Variants in IRX6 observed in about 807,000 individuals in gnomAD.
The protein encoded by IRX6 is iroquois homeobox 6, also known as iroquois-class homeodomain protein IRX-6.
In IRX6, 46 loss-of-function variants were observed where a neutral mutation model predicts 47.7. The ratio of observed to expected loss-of-function variants is 0.96; its 90% CI spans 0.76 to 1.23. The LOEUF (loss-of-function observed/expected upper bound fraction) is 1.23. Among genes scored for constraint, IRX6 ranks in the 50% most tolerant of loss-of-function variants. IRX6 has a pLI of 0.00. For synonymous variants in IRX6, 265 were observed against 246.2 expected (o/e 1.08, Z -0.72); for missense variants, 722 against 588.0 (o/e 1.23, Z -2.36).
chr16:55,329,337 A>G (rs1451855623), intron 5 of IRX6, 26 bp downstream of exon 5: 2 of 1,574,948 alleles, frequency 1.3e-6, no homozygotes, highest in South Asian at 1.1e-5. Context: ...CGGCGCTGGG[A>G]GTATCTATGC....
Position 55,327,698 on chromosome 16 carries a change from A to G in IRX6, c.526A>G (p.Lys176Glu). ...NEHRKNPYPT[K>E]GEKIMLAIIT... ...GCACCGCAAAAACCCCTACCCCACT[A>G]AGGGTGAGAAGATCATGCTGGCCAT... Residue 176 changes from lysine to glutamate, a missense_variant, in exon 4 of 6, where the codon AAG becomes GAG. Transcript: ENST00000290552. 3 of 1,612,386 alleles carry G rather than the reference A, an allele frequency of 1.9e-6. No individual in the cohort carries two copies. Among genetic ancestry groups the G allele is most frequent in the Non-Finnish European group, 2.5e-6 (3 of 1,180,016 alleles).
At chr16:55,329,518 C>T (rs527866723) in intron 5 of IRX6, among the ~76,000 whole-genome samples, 1 of 152,322 alleles carries the variant, frequency 6.6e-6, no homozygotes, top group East Asian at 1.9e-4. Flanking sequence ...ATAATAAACT[C>T]ACAGGCAGAC....
chr16:55,324,539 G>A lies in IRX6; in HGVS notation c.-553G>A, dbSNP rs75659475. The A allele has an allele frequency of 1.3e-5, 2 of 153,084 alleles. No homozygotes were observed. The highest frequency in any genetic ancestry group is 2.9e-5 in the Non-Finnish European group (2 of 69,152). 9.5% of individuals were successfully genotyped at this position (153,084 alleles called of 1,614,324 possible). On this transcript the variant is annotated 5_prime_UTR_variant, in exon 1 of 6. Transcript: ENST00000290552. The surrounding 1 kb of genome is among the most constrained non-coding windows in gnomAD (Gnocchi z 4.4). ...GTGAGCTCCAGGCGAAAAGGGGTAG[G>A]ATTCAGCGCCGAGCAGAGAGGGTCA...
In IRX6 at chr16:55,326,289, G is replaced by C. The variant is rs766252848; in HGVS notation, c.46-47G>C. ...CTTCAGCGGGAGCGGGGGCGGGGGT[G>C]GGGGGGGGGTCTCTGACCTCCAGTG... On this transcript the variant is annotated intron_variant, in intron 1 of 5. Coordinates refer to ENST00000290552, the MANE Select transcript of IRX6 (RefSeq NM_024335.3). 37 of 1,182,108 alleles carry C rather than the reference G, an allele frequency of 3.1e-5. No homozygotes were observed. In the East Asian group the frequency reaches 3.2e-4, roughly 10 times the overall value. 73.2% of individuals were successfully genotyped at this position (1,182,108 alleles called of 1,614,324 possible). A position where few individuals can be genotyped will look rare whatever the true frequency, so the allele number is the denominator to read the frequency against.
At position 55,327,824 on chromosome 16, in the gene IRX6, G is replaced by A. The variant is rs768671094; in HGVS notation, c.652G>A (p.Gly218Ser). The part of the protein sequence containing the change: ...NKMTWAPKNK[G>S]GEERKAEGGE... ...AATGACATGGGCGCCCAAGAACAAA[G>A]GTGGGGAGGAGAGGAAGGCAGAGGG... is the stretch of plus-strand genomic sequence containing the variant. The change falls in exon 4 of 6, where the codon GGT becomes AGT. Residue 218 changes from glycine (G) to serine (S), a missense_variant. Physicochemically the swap from Gly to Ser is moderately conservative, Grantham distance 56. Transcript: ENST00000290552. The A allele has an allele frequency of 2.5e-6, 4 of 1,613,142 alleles. No individual in the cohort carries two copies. Among genetic ancestry groups the A allele is most frequent in the South Asian group, 1.1e-5 (1 of 91,026 alleles).
Position 55,324,895 on chromosome 16 carries a change from C to G in IRX6, c.-197C>G, listed in dbSNP as rs1206509854. ...TTCCGGACCCCACGGGCCGGAGGGG[C>G]GCCTTCCGGAGCGCAGGGCTCGGCA... On this transcript the variant is annotated 5_prime_UTR_variant, in exon 1 of 6. Transcript: ENST00000290552. This position sits in a 1 kb window ranked among gnomAD's most constrained non-coding sequence, Gnocchi z 4.4. The G allele has an allele frequency of 1.6e-6, 1 of 607,946 alleles. No homozygotes were observed. Among genetic ancestry groups the G allele is most frequent in the Non-Finnish European group, 2.9e-6 (1 of 341,982 alleles). 37.7% of individuals were successfully genotyped at this position (607,946 alleles called of 1,614,324 possible).
Position 55,324,749 on chromosome 16 carries a change from T to G in IRX6, c.-343T>G, listed in dbSNP as rs1960478211. 2.9e-6 allele frequency: 1 copy of G among 349,042 alleles called. No individual in the cohort carries two copies. The highest frequency in any genetic ancestry group is 5.3e-6 in the Non-Finnish European group (1 of 187,892). The allele number at this position is 349,042 out of a possible 1,614,324, so 21.6% of individuals were successfully genotyped here. A position where few individuals can be genotyped will look rare whatever the true frequency, so the allele number is the denominator to read the frequency against. On this transcript the variant is annotated 5_prime_UTR_variant, in exon 1 of 6. Coordinates refer to ENST00000290552, the MANE Select transcript of IRX6 (RefSeq NM_024335.3). This position sits in a 1 kb window ranked among gnomAD's most constrained non-coding sequence, Gnocchi z 4.4. ...CGTCACATTGAGCCTCTGGCCACCT[T>G]GGACTGGGACACCTCCGGAGCCTCA...
At chr16:55,325,968 A>G (rs1475932367) in intron 1 of IRX6, 2 of 236,910 alleles carry the variant, frequency 8.4e-6, no homozygotes, top group Non-Finnish European at 1.7e-5. Flanking sequence ...ATGGTCTCTA[A>G]GGCCACCTTC....
chr16:55,325,954 A>C (rs77053168), intron 1 of IRX6: 8,039 of 212,380 alleles, frequency 0.038, 211 homozygotes, highest in Middle Eastern at 0.076. Flanking sequence ...ATGAGACGTT[A>C]ATAATGGTCT....
Position 55,324,583 on chromosome 16 carries a change from G to C in IRX6, c.-509G>C, listed in dbSNP as rs567292193. On this transcript the variant is annotated 5_prime_UTR_variant, in exon 1 of 6. Coordinates refer to ENST00000290552, the MANE Select transcript of IRX6 (RefSeq NM_024335.3). This position sits in a 1 kb window ranked among gnomAD's most constrained non-coding sequence, Gnocchi z 4.4. The stretch of plus-strand genomic sequence containing the variant: ...AGGGTCAGGGTTTTTGACGTTCCTC[G>C]CCAGCTGCACAAACCTCCCGGAGCA... 40 of 160,008 alleles carry C rather than the reference G, an allele frequency of 2.5e-4. No homozygotes were observed. Among genetic ancestry groups the C allele is most frequent in the Non-Finnish European group, 4.9e-4 (36 of 73,728 alleles). 9.9% of individuals were successfully genotyped at this position (160,008 alleles called of 1,614,324 possible).
At position 55,325,530 on chromosome 16, in the gene IRX6, G is replaced by GGAAGGAAGGAAGGAAGGAAAGAGAGA. The variant is rs1491427085; in HGVS notation, c.45+396_45+397insAGGAAGGAAGGAAGGAAAGAGAGAGA. Among the ~76,000 whole-genome samples the GGAAGGAAGGAAGGAAGGAAAGAGAGA allele has an allele frequency of 1.9e-3, 17 of 9,084 alleles. 3 individuals are homozygous for GGAAGGAAGGAAGGAAGGAAAGAGAGA. The highest frequency in any genetic ancestry group is 2.5e-3 in the Non-Finnish European group (14 of 5,712). 6.0% of individuals were successfully genotyped at this position (9,084 alleles called of 152,430 possible). On this transcript the variant is annotated intron_variant, in intron 1 of 5. Transcript: ENST00000290552. ...AGGAAGGAAGGAAGGAAGGAAGGAAGGAGAGAGAGAGAGAGAGAGAGAGAG... is the reference window on the plus strand; with the variant it reads ...AGGAAGGAAGGAAGGAAGGAAGGAAGGAAGGAAGGAAGGAAGGAAAGAGAGAGAGAGAGAGAGAGAGAGAGAGAGAG...
At position 55,327,841 on chromosome 16, in the gene IRX6, G is replaced by A; in HGVS notation, c.669G>A (p.Lys223=). The change falls in exon 4 of 6, where the codon AAG becomes AAA. Residue 223 remains lysine, a synonymous_variant. Coordinates refer to ENST00000290552, the MANE Select transcript of IRX6 (RefSeq NM_024335.3). ...AGAACAAAGGTGGGGAGGAGAGGAA[G>A]GCAGAGGGAGGAGAGGAGGACTCAC... ...APKNKGGEER[K]AEGGEEDSLG... 6.2e-7 allele frequency: 1 copy of A among 1,612,948 alleles called. No homozygotes were observed. The highest frequency in any genetic ancestry group is 1.3e-5 in the African/African-American group (1 of 74,996).
intron 2 of IRX6, 84 bp downstream of exon 2, chr16:55,326,677 C>T: frequency 1.4e-6 from 2 of 1,383,646 alleles, no homozygotes; most frequent in Non-Finnish European, 1.9e-6. Flanking sequence ...CCCACACCTC[C>T]CGAGGAAAGG....
chr16:55,326,462 G>T lies in IRX6; in HGVS notation c.172G>T (p.Gly58Cys), dbSNP rs1202622982. ...CGCACCCTACGATAGTCGACTGCTG[G>T]GCAGTGCGCGACCGGAGCTGGGCGC... is the stretch of plus-strand genomic sequence containing the variant. ...CCAPYDSRLL[G>C]SARPELGAAL... The change falls in exon 2 of 6, where the codon GGC becomes TGC. Residue 58 changes from glycine (G) to cysteine (C), a missense_variant. Gly to Cys is a radical substitution (Grantham distance 159). Transcript: ENST00000290552. The T allele has an allele frequency of 1.9e-6, 3 of 1,613,590 alleles. No individual in the cohort carries two copies. The highest frequency in any genetic ancestry group is 1.3e-5 in the African/African-American group (1 of 74,916).
chr16:55,329,414 C>A, intron 5 of IRX6, 103 bp downstream of exon 5: 6 of 1,426,070 alleles, frequency 4.2e-6, no homozygotes, highest in Non-Finnish European at 5.6e-6. Flanking sequence ...CTGCCCAGGT[C>A]TCCCACAGAA....
chr16:55,330,552 G>C lies in IRX6; in HGVS notation c.*247G>C, dbSNP rs1960623590. 1 of 565,998 alleles carries C rather than the reference G, an allele frequency of 1.8e-6. No individual in the cohort carries two copies. Among genetic ancestry groups the C allele is most frequent in the Non-Finnish European group, 3.2e-6 (1 of 317,146 alleles). 35.1% of individuals were successfully genotyped at this position (565,998 alleles called of 1,614,324 possible). Reference sequence around the variant, plus strand: ...TTGGGGAAGGCCAAGTGGGAGGCTGGGAGGCTGCCCCACCCACCGACTCTA... The same window carrying C: ...TTGGGGAAGGCCAAGTGGGAGGCTGCGAGGCTGCCCCACCCACCGACTCTA... On this transcript the variant is annotated 3_prime_UTR_variant, in exon 6 of 6. Transcript: ENST00000290552.
In IRX6 at chr16:55,326,557, C is replaced by T. The variant is rs368878336; in HGVS notation, c.267C>T (p.Pro89=). The part of the protein sequence containing the change: ...AAAQSYPGYL[P]YSPEPPSLYG... ...CCCAGAGCTACCCTGGCTACCTGCC[C>T]TATAGCCCAGAGCCCCCCTCACTGT... is the stretch of plus-strand genomic sequence containing the variant. The change falls in exon 2 of 6, where the codon CCC becomes CCT. Residue 89 remains proline, a synonymous_variant. Transcript: ENST00000290552. 7 of 1,574,784 alleles carry T rather than the reference C, an allele frequency of 4.4e-6. No individual in the cohort carries two copies. In the Admixed American group the frequency reaches 7.3e-5, roughly 16 times the overall value.
At chr16:55,326,873 A>G (rs756809470) in intron 2 of IRX6, 14 of 356,862 alleles carry the variant, frequency 3.9e-5, no homozygotes, top group Non-Finnish European at 6.5e-5. Flanking sequence ...GCCCAATGTC[A>G]CAGAGATACA....
In IRX6 at chr16:55,328,907, G is replaced by T. The variant is rs535397069; in HGVS notation, c.929G>T (p.Gly310Val). 3 of 1,613,130 alleles carry T rather than the reference G, an allele frequency of 1.9e-6. No individual in the cohort carries two copies. The highest frequency in any genetic ancestry group is 1.1e-5 in the South Asian group (1 of 91,078). The change falls in exon 5 of 6, where the codon GGC becomes GTC. Residue 310 changes from glycine (G) to valine (V), a missense_variant. Gly to Val is a moderately radical substitution (Grantham distance 109). Coordinates refer to ENST00000290552, the MANE Select transcript of IRX6 (RefSeq NM_024335.3). The stretch of plus-strand genomic sequence containing the variant: ...GGCCGATTGGAGCGCAGGGAGTGCG[G>T]CCTGGCTGCGCCCCGCTTCTCCTTC... ...REGRLERREC[G>V]LAAPRFSFND...
Sources: gnomAD v4.1 joint callset for allele counts (sites outside exome capture counted in the v4.1 genomes callset) on GRCh38, gnomAD v4.1.1 for gene constraint, Gnocchi (gnomAD v3.1) non-coding constraint, MANE v1.5 for transcripts, NCBI Gene and HGNC (gene_info 2026-07-23, HGNC 2026-07-21) for gene names.